Variants in FAM53B observed in about 807,000 individuals in gnomAD.
FAM53B encodes the protein protein FAM53B.
A neutral mutation model predicts 32.7 loss-of-function variants in FAM53B; 12 were observed. The observed-to-expected ratio is 0.37, with a 90% CI of 0.24 to 0.59. The LOEUF (loss-of-function observed/expected upper bound fraction) is 0.59, where lower values mean the gene tolerates loss of function less well. Among genes scored for constraint, FAM53B ranks in the 20% least tolerant of loss-of-function variants. The pLI is 0.72. For synonymous variants in FAM53B, 234 were observed against 228.7 expected (o/e 1.02, Z -0.21); for missense variants, 477 against 577.7 (o/e 0.83, Z 1.79).
At chr10:124,717,176 T>C (rs927217830) in intron 1 of FAM53B, among the ~76,000 whole-genome samples, 1 of 152,200 alleles carries the variant, frequency 6.6e-6, no homozygotes. Context: ...TGCCAAGTTA[T>C]TTCCCTCCTC....
At chr10:124,626,079 C>G (rs1191636251) in intron 4 of FAM53B, among the ~76,000 whole-genome samples, 1 of 152,258 alleles carries the variant, frequency 6.6e-6, no homozygotes, top group Non-Finnish European at 1.5e-5. Flanking sequence ...TCAGCCACAT[C>G]TGTTGAGATG....
chr10:124,696,510 C>T (rs747887562), intron 2 of FAM53B, among the ~76,000 whole-genome samples: 12 of 152,122 alleles, frequency 7.9e-5, no homozygotes, highest in African/African-American at 2.2e-4. Flanking sequence ...GATGTGGAGG[C>T]GGCCCGGGGG....
intron 3 of FAM53B, among the ~76,000 whole-genome samples, chr10:124,694,409 T>G (rs1036485626): frequency 7.9e-5 from 12 of 152,258 alleles, no homozygotes; most frequent in Non-Finnish European, 1.5e-4. Context: ...GGCCTCTGCC[T>G]TGGTCTCTGG....
At chr10:124,697,943 G>C (rs773269603) in intron 2 of FAM53B, among the ~76,000 whole-genome samples, 29 of 152,196 alleles carry the variant, frequency 1.9e-4, no homozygotes, top group Non-Finnish European at 2.6e-4. Flanking sequence ...CACAATCCCA[G>C]CTGAGAGGTG....
intron 1 of FAM53B, among the ~76,000 whole-genome samples, chr10:124,715,341 T>G (rs1287206246): frequency 6.6e-6 from 1 of 152,142 alleles, no homozygotes; most frequent in African/African-American, 2.4e-5. Context: ...ACTGCATGGA[T>G]GTGCAGACAT....
chr10:124,684,653 G>A (rs1482837435), intron 3 of FAM53B, among the ~76,000 whole-genome samples: 1 of 152,118 alleles, frequency 6.6e-6, no homozygotes, highest in Admixed American at 6.6e-5. Context: ...CTAAGTAGCT[G>A]GGATTACAGG....
At chr10:124,703,663 G>C (rs905598328) in intron 2 of FAM53B, 2 of 152,664 alleles carry the variant, frequency 1.3e-5, no homozygotes, top group African/African-American at 4.8e-5. Context: ...GCCAAGGGGA[G>C]AGAAGAGGAG....
chr10:124,715,977 T>G (rs1253517353), intron 1 of FAM53B, among the ~76,000 whole-genome samples: 1 of 152,196 alleles, frequency 6.6e-6, no homozygotes, highest in African/African-American at 2.4e-5. Context: ...GCTACAGCAT[T>G]AGCTTCTAGG....
chr10:124,646,429 C>A lies in FAM53B; in HGVS notation c.907-22825G>T, dbSNP rs1461809667. On this transcript the variant is annotated intron_variant, in intron 4 of 4. Coordinates refer to ENST00000337318, the MANE Select transcript of FAM53B (RefSeq NM_014661.4). ...AGAAACGTGCCATTCTACAGCCAAG[C>A]GTGTAAGGAATCCCAGAACAAACGG... Among the ~76,000 whole-genome samples the A allele has an allele frequency of 2.0e-5, 3 of 152,224 alleles. No individual in the cohort carries two copies. In the East Asian group the frequency reaches 5.8e-4, roughly 29 times the overall value.
At chr10:124,684,343 T>C (rs1949790251) in intron 3 of FAM53B, among the ~76,000 whole-genome samples, 1 of 152,210 alleles carries the variant, frequency 6.6e-6, no homozygotes, top group African/African-American at 2.4e-5. Flanking sequence ...TCCAACTGGA[T>C]TGGATCAATT....
chr10:124,629,823 C>T (rs962225368), intron 4 of FAM53B, among the ~76,000 whole-genome samples: 4 of 152,222 alleles, frequency 2.6e-5, no homozygotes, highest in African/African-American at 9.7e-5. Context: ...ATCTTTAACC[C>T]ATCTCTGGTA....
At position 124,683,334 on chromosome 10, in the gene FAM53B, A is replaced by G. The variant is rs374818713; in HGVS notation, c.134-955T>C. Among the ~76,000 whole-genome samples, 19 of 152,372 alleles carry G rather than the reference A, an allele frequency of 1.2e-4. No individual in the cohort carries two copies. In the East Asian group the frequency reaches 1.7e-3, roughly 14 times the overall value. ...GTATTCAAGTTTACAGTATAAAAGC[A>G]AAGTTACAAAATATGCCATGATATC... On this transcript the variant is annotated intron_variant, in intron 3 of 4. Coordinates refer to ENST00000337318, the MANE Select transcript of FAM53B (RefSeq NM_014661.4).
At chr10:124,667,029 C>A (rs1429235888) in intron 4 of FAM53B, among the ~76,000 whole-genome samples, 1 of 152,114 alleles carries the variant, frequency 6.6e-6, no homozygotes, top group East Asian at 1.9e-4. Flanking sequence ...CAAGGCTGAC[C>A]CCCAACCCCC....
At chr10:124,664,745 T>C (rs1265162056) in intron 4 of FAM53B, among the ~76,000 whole-genome samples, 1 of 152,212 alleles carries the variant, frequency 6.6e-6, no homozygotes, top group African/African-American at 2.4e-5. Context: ...TATTAGGCAC[T>C]TGCTGTATGT....
At position 124,681,987 on chromosome 10, in the gene FAM53B, C is replaced by T. The variant is rs767705416; in HGVS notation, c.526G>A (p.Val176Met). ...SSFSLPSRAN[V>M]LSSPCDQAGL... ...GCCTGGTCGCAGGGTGAGGAGAGCA[C>T]GTTGGCCCGGGAAGGGAGGCTGAAG... Residue 176 changes from valine (V) to methionine (M), a missense_variant, in exon 4 of 5, where the codon GTG becomes ATG. This residue lies in a region of FAM53B where 312 missense variants were observed against 420.2 expected (regional missense o/e 0.74). Transcript: ENST00000337318. The T allele has an allele frequency of 4.2e-5, 67 of 1,614,036 alleles. 1 individual carries two copies. The South Asian group carries it at 7.0e-4, about 17-fold the overall frequency.
In FAM53B at chr10:124,737,423, G is replaced by A. The variant is rs1298324355; in HGVS notation, c.-175+6590C>T. Reference sequence around the variant, plus strand: ...GGGGGATGGGTAGCATGTTTCACTTGGCTAATGAACTCTGTGAGCAATGAT... The same window carrying A: ...GGGGGATGGGTAGCATGTTTCACTTAGCTAATGAACTCTGTGAGCAATGAT... On this transcript the variant is annotated intron_variant, in intron 1 of 4. Transcript: ENST00000337318. Among the ~76,000 whole-genome samples the A allele has an allele frequency of 5.3e-5, 8 of 152,238 alleles. No individual in the cohort carries two copies. The East Asian group carries it at 1.4e-3, about 26-fold the overall frequency.
chr10:124,733,474 C>T lies in FAM53B; in HGVS notation c.-175+10539G>A, dbSNP rs1403018429. 6.6e-6 allele frequency among the ~76,000 whole-genome samples: 1 copy of T among 152,196 alleles called. No individual in the cohort carries two copies. The highest frequency in any genetic ancestry group is 2.4e-5 in the African/African-American group (1 of 41,450). On this transcript the variant is annotated intron_variant, in intron 1 of 4. Coordinates refer to ENST00000337318, the MANE Select transcript of FAM53B (RefSeq NM_014661.4). The surrounding 1 kb of genome is among the most constrained non-coding windows in gnomAD (Gnocchi z 4.3). The stretch of plus-strand genomic sequence containing the variant: ...TGACAGAGCCCAGGGGGCACCGAAG[C>T]TCCCTCTTCCATCGCACCAACACGG...
chr10:124,623,452 G>C lies in FAM53B; in HGVS notation c.1059C>G (p.Thr353=). 6.3e-7 allele frequency: 1 copy of C among 1,590,064 alleles called. No individual in the cohort carries two copies. Among genetic ancestry groups the C allele is most frequent in the Non-Finnish European group, 8.6e-7 (1 of 1,169,458 alleles). The change falls in exon 5 of 5, where the codon ACC becomes ACG. Residue 353 remains threonine (T), a synonymous_variant. Transcript: ENST00000337318. ...AAGGGGGAAGAGGCTCAGGGACCGG[G>C]GTCCCAGCGGGGGTCCTGCCCCCTG... ...SGPGGRTPAG[T]PVPEPLPPSF... is the part of the protein sequence containing the mutation.
intron 1 of FAM53B, among the ~76,000 whole-genome samples, chr10:124,735,986 T>G (rs907229233): frequency 5.9e-5 from 9 of 152,254 alleles, no homozygotes; most frequent in African/African-American, 2.2e-4. Flanking sequence ...AGTTCCTCTG[T>G]GACGCCAAAC....
Sources: gnomAD v4.1 joint callset for allele counts (sites outside exome capture counted in the v4.1 genomes callset) on GRCh38, gnomAD v4.1.1 for gene constraint, gnomAD v4.1.1 regional missense constraint, Gnocchi (gnomAD v3.1) non-coding constraint, MANE v1.5 for transcripts, NCBI Gene and HGNC (gene_info 2026-07-23, HGNC 2026-07-21) for gene names.